Variants in PRDM6 observed in about 807,000 individuals in gnomAD.
PRDM6 encodes PR/SET domain 6.
Under a neutral mutation model 60.8 loss-of-function variants are expected in PRDM6, and 25 were observed. The observed-to-expected ratio is 0.41, with a 90% CI of 0.30 to 0.57. The LOEUF (loss-of-function observed/expected upper bound fraction) is 0.57, where lower values mean the gene tolerates loss of function less well. Among genes scored for constraint, PRDM6 ranks in the 20% least tolerant of loss-of-function variants. The pLI, the probability that PRDM6 is intolerant of heterozygous loss-of-function variation, is 0.27. For synonymous variants in PRDM6, 407 were observed against 357.4 expected (o/e 1.14, Z -1.57); for missense variants, 839 against 821.3 (o/e 1.02, Z -0.26).
intron 3 of PRDM6, among the ~76,000 whole-genome samples, chr5:123,139,853 T>C (rs1214580755): frequency 6.6e-6 from 1 of 151,844 alleles, no homozygotes. Context: ...ATGGGGTGGG[T>C]GATGTGGGAG....
At chr5:123,093,296 T>C (rs866989255) in intron 2 of PRDM6, among the ~76,000 whole-genome samples, 8 of 152,220 alleles carry the variant, frequency 5.3e-5, no homozygotes, top group Middle Eastern at 3.4e-3. Flanking sequence ...ACTTCTCCCT[T>C]CCCTTTAGCA....
intron 6 of PRDM6, among the ~76,000 whole-genome samples, chr5:123,178,355 T>C (rs2126888930): frequency 6.6e-6 from 1 of 152,336 alleles, no homozygotes; most frequent in East Asian, 1.9e-4. Flanking sequence ...TAATATATTA[T>C]TTTGTTTATA....
chr5:123,131,653 C>A (rs1460656056), intron 3 of PRDM6, among the ~76,000 whole-genome samples: 1 of 152,154 alleles, frequency 6.6e-6, no homozygotes, highest in Non-Finnish European at 1.5e-5. Context: ...TATCACAACA[C>A]CATGATGCAT....
At position 123,189,643 on chromosome 5, in the gene PRDM6, G is replaced by T. The variant is rs1339568349; in HGVS notation, c.*2442G>T. On this transcript the variant is annotated 3_prime_UTR_variant, in exon 8 of 8. Coordinates refer to ENST00000407847, the MANE Select transcript of PRDM6 (RefSeq NM_001136239.4). ...TTATCCTCTATTATTAAGAGAAATT[G>T]TTGGCATATATATTCCACCAAATTT... 1 of 152,168 alleles carries T rather than the reference G, an allele frequency of 6.6e-6. No homozygotes were observed. Among genetic ancestry groups the T allele is most frequent in the East Asian group, 1.9e-4 (1 of 5,198 alleles). 9.4% of individuals were successfully genotyped at this position (152,168 alleles called of 1,614,324 possible). A position where few individuals can be genotyped will look rare whatever the true frequency, so the allele number is the denominator to read the frequency against.
At chr5:123,105,715 C>T (rs533503292) in intron 3 of PRDM6, among the ~76,000 whole-genome samples, 2 of 152,216 alleles carry the variant, frequency 1.3e-5, no homozygotes, top group African/African-American at 4.8e-5. Context: ...TTTTTAGGAT[C>T]GTATATACCC....
At chr5:123,131,854 G>C (rs909400071) in intron 3 of PRDM6, among the ~76,000 whole-genome samples, 1 of 152,116 alleles carries the variant, frequency 6.6e-6, no homozygotes, top group Admixed American at 6.5e-5. Flanking sequence ...CAAATGTTTT[G>C]TTTCTAGGAC....
At chr5:123,115,652 T>G (rs1764423041) in intron 3 of PRDM6, among the ~76,000 whole-genome samples, 1 of 152,230 alleles carries the variant, frequency 6.6e-6, no homozygotes, top group South Asian at 2.1e-4. Flanking sequence ...TTCTTTAAAT[T>G]CATAGATGAA....
intron 6 of PRDM6, among the ~76,000 whole-genome samples, chr5:123,172,234 G>A (rs1251322831): frequency 1.3e-5 from 2 of 151,950 alleles, no homozygotes. Context: ...GAGAGGGAGT[G>A]GATATTTTGT....
At chr5:123,160,782 C>T (rs1199300107) in intron 5 of PRDM6, among the ~76,000 whole-genome samples, 1 of 152,214 alleles carries the variant, frequency 6.6e-6, no homozygotes. Flanking sequence ...AATCTTTGCA[C>T]ATACAGTACA....
At position 123,190,995 on chromosome 5, in the gene PRDM6, G is replaced by T. The variant is rs1043010534; in HGVS notation, c.*3794G>T. ...AATAGCATATTGCAAAACAAGTTAA[G>T]ATGCACAACTTGGTTGTCTTTGCTT... On this transcript the variant is annotated 3_prime_UTR_variant, in exon 8 of 8. Coordinates refer to ENST00000407847, the MANE Select transcript of PRDM6 (RefSeq NM_001136239.4). 6.6e-6 allele frequency: 1 copy of T among 152,184 alleles called. No individual in the cohort carries two copies. Among genetic ancestry groups the T allele is most frequent in the African/African-American group, 2.4e-5 (1 of 41,444 alleles). The allele number at this position is 152,184 out of a possible 1,614,324, so 9.4% of individuals were successfully genotyped here.
rs966666941 is a variant in PRDM6 at position 123,090,244 on chromosome 5, C to G, written c.230C>G (p.Ser77Cys). ...CTGCGCCCGCGGCCCGCCTCTCTCT[C>G]CTCCGCCTCGTCCACGCCGGCTTCC... ...DSLRPRPASL[S>C]SASSTPASSS... Residue 77 changes from serine (S) to cysteine (C), a missense_variant, in exon 2 of 8, where the codon TCC (serine) becomes TGC (cysteine). By Grantham distance (112) the Ser-to-Cys change is moderately radical. Around this residue, in one of 2 missense-constraint regions of PRDM6, gnomAD observed 730 missense variants for 648.8 expected, o/e 1.13. Coordinates refer to ENST00000407847, the MANE Select transcript of PRDM6 (RefSeq NM_001136239.4). The G allele has an allele frequency of 2.7e-6, 4 of 1,486,406 alleles. No homozygotes were observed. The African/African-American group carries it at 5.9e-5, about 22-fold the overall frequency. 92.1% of individuals were successfully genotyped at this position (1,486,406 alleles called of 1,614,324 possible).
chr5:123,183,972 A>G, intron 7 of PRDM6, among the ~76,000 whole-genome samples: 1 of 152,172 alleles, frequency 6.6e-6, no homozygotes, highest in Non-Finnish European at 1.5e-5. Context: ...AGCAAGGAGA[A>G]TCATTCATCG....
intron 5 of PRDM6, among the ~76,000 whole-genome samples, chr5:123,163,405 G>A (rs565752725): frequency 6.6e-6 from 1 of 152,248 alleles, no homozygotes; most frequent in South Asian, 2.1e-4. Flanking sequence ...GGTTCAGGAC[G>A]TGCCCCCTCC....
intron 2 of PRDM6, among the ~76,000 whole-genome samples, chr5:123,093,973 G>A (rs535967860): frequency 7.6e-4 from 115 of 152,042 alleles, no homozygotes; most frequent in Admixed American, 3.5e-3. Context: ...TTGGGGGAGG[G>A]GTCTCTGTCC....
At position 123,193,778 on chromosome 5, in the gene PRDM6, G is replaced by A. The variant is rs1243558724; in HGVS notation, c.*6577G>A. The A allele has an allele frequency of 6.6e-6, 1 of 152,130 alleles. No individual in the cohort carries two copies. The highest frequency in any genetic ancestry group is 6.6e-5 in the Admixed American group (1 of 15,260). 9.4% of individuals were successfully genotyped at this position (152,130 alleles called of 1,614,324 possible). On this transcript the variant is annotated 3_prime_UTR_variant, in exon 8 of 8. Coordinates refer to ENST00000407847, the MANE Select transcript of PRDM6 (RefSeq NM_001136239.4). ...GAAGTGTGATATTTAGATGCTATTA[G>A]GACATTGTATACATTTCTTTAATGT...
chr5:123,160,696 G>A (rs148381205), intron 5 of PRDM6, among the ~76,000 whole-genome samples: 11 of 152,184 alleles, frequency 7.2e-5, no homozygotes, highest in East Asian at 5.8e-4. Flanking sequence ...AAGAAAAATC[G>A]TCAAAAAGCC....
chr5:123,172,068 C>G (rs1276261147), intron 6 of PRDM6, among the ~76,000 whole-genome samples: 1 of 151,956 alleles, frequency 6.6e-6, no homozygotes, highest in Non-Finnish European at 1.5e-5. Context: ...GGAAGCAGGG[C>G]TCTTGGGTTA....
Position 123,090,186 on chromosome 5 carries a change from C to A in PRDM6, c.172C>A (p.Pro58Thr). The A allele has an allele frequency of 6.7e-7, 1 of 1,487,906 alleles. No individual in the cohort carries two copies. Among genetic ancestry groups the A allele is most frequent in the Admixed American group, 2.3e-5 (1 of 42,770 alleles). 92.2% of individuals were successfully genotyped at this position (1,487,906 alleles called of 1,614,324 possible). A position where few individuals can be genotyped will look rare whatever the true frequency, so the allele number is the denominator to read the frequency against. Reference sequence around the variant, plus strand: ...TCTTCAGCCGCCGCCGCCGCCCCCGCCCCCGGAGCGCGCTGAGCCTCCGCC... The same window carrying A: ...TCTTCAGCCGCCGCCGCCGCCCCCGACCCCGGAGCGCGCTGAGCCTCCGCC... Reference protein sequence around the residue: ...QPLQPPPPPPPPERAEPPPDS... With the variant: ...QPLQPPPPPPTPERAEPPPDS... Residue 58 changes from proline to threonine, a missense_variant, in exon 2 of 8, where the codon CCC becomes ACC. Pro to Thr is a conservative substitution (Grantham distance 38). Coordinates refer to ENST00000407847, the MANE Select transcript of PRDM6 (RefSeq NM_001136239.4).
chr5:123,166,217 A>C (rs1765748863), intron 5 of PRDM6, among the ~76,000 whole-genome samples: 1 of 151,910 alleles, frequency 6.6e-6, no homozygotes, highest in African/African-American at 2.4e-5. Flanking sequence ...CCATTCCTTT[A>C]GTGCCCTGAG....
Sources: allele counts gnomAD v4.1 joint callset (sites outside exome capture counted in the v4.1 genomes callset), GRCh38; gene constraint gnomAD v4.1.1; regional missense constraint gnomAD v4.1.1; transcripts MANE v1.5; gene names NCBI Gene and HGNC (gene_info 2026-07-23, HGNC 2026-07-21).